The following FAF1 variants were observed in gnomAD, a reference collection of about 807,000 sequenced individuals.
FAF1 encodes FAS-associated factor 1.
A neutral mutation model predicts 92.5 loss-of-function variants in FAF1; 25 were observed. That is an observed-to-expected ratio of 0.27 (90% CI 0.20 to 0.38). The LOEUF (loss-of-function observed/expected upper bound fraction) is 0.38, where lower values mean the gene tolerates loss of function less well. Ranked by LOEUF, FAF1 falls within the 10% of genes least tolerant of loss-of-function variation. The pLI is 1.00. For missense variants in FAF1, 636 were observed against 793.3 expected, an observed-to-expected ratio of 0.80 and a Z score of 2.38; for synonymous variants, 234 against 273.2, an observed-to-expected ratio of 0.86 and a Z score of 1.42.
intron 1 of FAF1, among the ~76,000 whole-genome samples, chr1:50,907,711 G>A (rs1644851421): frequency 6.6e-6 from 1 of 151,868 alleles, no homozygotes; most frequent in African/African-American, 2.4e-5. Context: ...CATTTCTGTG[G>A]GATTGGTGGT....
chr1:50,731,296 GCTAACTGCTGA>G (rs764100826), intron 6 of FAF1, among the ~76,000 whole-genome samples: 1 of 151,988 alleles, frequency 6.6e-6, no homozygotes, highest in Non-Finnish European at 1.5e-5. Flanking sequence ...AGGTAAGGTA[GCTAACTGCTGA>G]GGTACTAGAA....
intron 18 of FAF1, among the ~76,000 whole-genome samples, chr1:50,463,098 G>C (rs1646452587): frequency 6.6e-6 from 1 of 152,130 alleles, no homozygotes; most frequent in South Asian, 2.1e-4. Flanking sequence ...ATGAACACTT[G>C]CTTTCCTTCT....
At chr1:50,625,069 T>C (rs1477614965) in intron 8 of FAF1, among the ~76,000 whole-genome samples, 1 of 151,928 alleles carries the variant, frequency 6.6e-6, no homozygotes, top group East Asian at 1.9e-4. Context: ...GCCCAGCTAA[T>C]TTTGTATTTT....
At chr1:50,741,897 A>G (rs1260567304) in intron 5 of FAF1, among the ~76,000 whole-genome samples, 1 of 152,242 alleles carries the variant, frequency 6.6e-6, no homozygotes, top group African/African-American at 2.4e-5. Context: ...ACAAAAGTCA[A>G]TTACCAGTTT....
At chr1:50,602,503 C>CTTTTTT (rs1424715054) in intron 8 of FAF1, among the ~76,000 whole-genome samples, 1 of 136,702 alleles carries the variant, frequency 7.3e-6, no homozygotes, top group African/African-American at 2.7e-5. Context: ...TAAAGTATTG[C>CTTTTTT]TTTTTTTTTT....
intron 1 of FAF1, among the ~76,000 whole-genome samples, chr1:50,944,478 G>A (rs1418150501): frequency 6.6e-6 from 1 of 152,152 alleles, no homozygotes; most frequent in African/African-American, 2.4e-5. Flanking sequence ...AAATCAGTAT[G>A]TCCCATTCCA....
chr1:50,737,506 CT>C (rs1248178727), intron 6 of FAF1, among the ~76,000 whole-genome samples: 1 of 152,136 alleles, frequency 6.6e-6, no homozygotes, highest in Non-Finnish European at 1.5e-5. Context: ...AACTATTTAA[CT>C]TAATTTCATC....
chr1:50,495,636 T>C (rs776192943), intron 15 of FAF1, among the ~76,000 whole-genome samples: 13 of 152,216 alleles, frequency 8.5e-5, no homozygotes, highest in East Asian at 1.9e-4. Flanking sequence ...AGCAGTGGGA[T>C]TGCTGGATCA....
chr1:50,921,117 T>A lies in FAF1; in HGVS notation c.45+38650A>T, dbSNP rs538992490. On this transcript the variant is annotated intron_variant, in intron 1 of 18. Transcript: ENST00000396153. ...AAAGCCCACTGTGTCCCCCAAAAAA[T>A]CAAACATACAATTACCATATGAGGT... is the stretch of plus-strand genomic sequence containing the variant. Among the ~76,000 whole-genome samples, 26 of 152,214 alleles carry A rather than the reference T, an allele frequency of 1.7e-4. No homozygotes were observed. In the South Asian group the frequency reaches 4.8e-3, roughly 28 times the overall value.
chr1:50,731,263 C>T (rs764107212), intron 6 of FAF1, among the ~76,000 whole-genome samples: 32 of 152,184 alleles, frequency 2.1e-4, no homozygotes, highest in Non-Finnish European at 3.1e-4. Context: ...CACTCCTGTC[C>T]AGTTCCCCTT....
At chr1:50,496,656 CCAAGG>C (rs1249405334) in intron 15 of FAF1, among the ~76,000 whole-genome samples, 2 of 152,086 alleles carry the variant, frequency 1.3e-5, no homozygotes, top group Non-Finnish European at 1.5e-5. Flanking sequence ...ACCTGGGAGG[CCAAGG>C]CAGGTGGATC....
chr1:50,511,093 T>A (rs1376310838), intron 15 of FAF1, among the ~76,000 whole-genome samples: 1 of 152,216 alleles, frequency 6.6e-6, no homozygotes, highest in African/African-American at 2.4e-5. Context: ...GCTCTCCAAA[T>A]GCATTTAAAC....
At chr1:50,448,045 T>C (rs1186208133) in intron 18 of FAF1, among the ~76,000 whole-genome samples, 1 of 152,204 alleles carries the variant, frequency 6.6e-6, no homozygotes, top group Non-Finnish European at 1.5e-5. Flanking sequence ...AGTTAAGCTT[T>C]GGAAATATAA....
At chr1:50,935,472 CTCTT>C (rs1453306775) in intron 1 of FAF1, among the ~76,000 whole-genome samples, 3 of 145,632 alleles carry the variant, frequency 2.1e-5, no homozygotes, top group East Asian at 2.1e-4. Flanking sequence ...GATTTACTCT[CTCTT>C]TTTTTTTTTT....
At chr1:50,763,691 A>G (rs954758241) in intron 4 of FAF1, among the ~76,000 whole-genome samples, 2 of 152,170 alleles carry the variant, frequency 1.3e-5, no homozygotes, top group African/African-American at 4.8e-5. Flanking sequence ...TTCAACAGTT[A>G]AACTGTTAAA....
At chr1:50,582,182 A>G (rs760793131) in intron 12 of FAF1, among the ~76,000 whole-genome samples, 1 of 152,180 alleles carries the variant, frequency 6.6e-6, no homozygotes, top group African/African-American at 2.4e-5. Context: ...GCGTAACTGA[A>G]AAGAATACAA....
chr1:50,707,636 G>A (rs1657738634), intron 6 of FAF1, among the ~76,000 whole-genome samples: 1 of 152,014 alleles, frequency 6.6e-6, no homozygotes, highest in African/African-American at 2.4e-5. Flanking sequence ...GGAGGTTGCA[G>A]TGAGCTGAGA....
At position 50,499,710 on chromosome 1, in the gene FAF1, C is replaced by T. The variant is rs1229403816; in HGVS notation, c.1495-7909G>A. 2.0e-5 allele frequency among the ~76,000 whole-genome samples: 3 copies of T among 152,164 alleles called. No individual in the cohort carries two copies. The East Asian group carries it at 5.8e-4, about 29-fold the overall frequency. ...TGCAGAATATAAAATAAATAACAAGCAACCCCTTCCCCTTCCCTCCCCTTC... is the reference window on the plus strand; with the variant it reads ...TGCAGAATATAAAATAAATAACAAGTAACCCCTTCCCCTTCCCTCCCCTTC... On this transcript the variant is annotated intron_variant, in intron 15 of 18. Transcript: ENST00000396153.
chr1:50,647,987 G>A lies in FAF1; in HGVS notation c.744+7455C>T, dbSNP rs534008914. The stretch of plus-strand genomic sequence containing the variant: ...CAAAGAAAAGGTCTTGGCTGGGCGC[G>A]GTGGCTCACGCCTCCAATCCTGGCA... On this transcript the variant is annotated intron_variant, in intron 8 of 18. Transcript: ENST00000396153. 4.4e-4 allele frequency among the ~76,000 whole-genome samples: 67 copies of A among 152,298 alleles called. No homozygotes were observed. In the South Asian group the frequency reaches 0.012, roughly 26 times the overall value.
Sources: allele counts gnomAD v4.1 joint callset (sites outside exome capture counted in the v4.1 genomes callset), GRCh38; gene constraint gnomAD v4.1.1; transcripts MANE v1.5; gene names NCBI Gene and HGNC (gene_info 2026-07-23, HGNC 2026-07-21).